Variants in PCDH15 observed in about 807,000 individuals in gnomAD.
PCDH15 encodes protocadherin related 15.
Under a neutral mutation model 178.5 loss-of-function variants are expected in PCDH15, and 129 were observed. The observed-to-expected ratio is 0.72, with a 90% CI of 0.63 to 0.84. The LOEUF is 0.84. Ranked by LOEUF, PCDH15 falls within the 40% of genes least tolerant of loss-of-function variation. The pLI is 0.00. For missense variants in PCDH15, 2,230 were observed against 2,099.9 expected, an observed-to-expected ratio of 1.06 and a Z score of -1.21; for synonymous variants, 800 against 732.0, an observed-to-expected ratio of 1.09 and a Z score of -1.50.
chr10:54,949,704 C>T (rs1733777), intron 2 of PCDH15, among the ~76,000 whole-genome samples: 28,881 of 151,902 alleles, frequency 0.19, 3,180 homozygotes, highest in African/African-American at 0.29. Flanking sequence ...CCCAAGTCAC[C>T]TCTTGAATGC....
intron 26 of PCDH15, among the ~76,000 whole-genome samples, chr10:53,888,318 G>GTATATATATGTATGTACATATATATA (rs1238264864): frequency 1.1e-5 from 1 of 91,824 alleles, no homozygotes; most frequent in Non-Finnish European, 1.9e-5. Context: ...ATGTATATAT[G>GTATATATATGTATGTACATATATATA]TACGTATATA....
chr10:54,337,008 G>T (rs1941302164), intron 6 of PCDH15, among the ~76,000 whole-genome samples: 1 of 152,094 alleles, frequency 6.6e-6, no homozygotes, highest in African/African-American at 2.4e-5. Context: ...TGGTGTCAAA[G>T]AAGATCATTT....
intron 2 of PCDH15, among the ~76,000 whole-genome samples, chr10:54,650,089 G>A (rs7903854): frequency 0.043 from 6,571 of 152,130 alleles, 471 homozygotes; most frequent in African/African-American, 0.15. Flanking sequence ...ATATTATAAA[G>A]GGAAAGATGG....
intron 2 of PCDH15, among the ~76,000 whole-genome samples, chr10:55,364,507 A>G (rs1478374917): frequency 6.6e-6 from 1 of 152,022 alleles, no homozygotes; most frequent in Non-Finnish European, 1.5e-5. Context: ...ATTTATTTAT[A>G]TATCTCTGGT....
At chr10:54,151,376 A>G (rs568715221) in intron 14 of PCDH15, among the ~76,000 whole-genome samples, 3 of 152,220 alleles carry the variant, frequency 2.0e-5, no homozygotes, top group Admixed American at 6.5e-5. Flanking sequence ...TTCTGATTCT[A>G]CAAATTTGTT....
intron 3 of PCDH15, among the ~76,000 whole-genome samples, chr10:54,881,319 C>G (rs1243565877): frequency 1.3e-5 from 2 of 152,058 alleles, no homozygotes; most frequent in Non-Finnish European, 2.9e-5. Context: ...ATGCTTTTGC[C>G]TCTTCTCTGC....
chr10:54,309,882 C>A (rs2060796448), intron 8 of PCDH15, among the ~76,000 whole-genome samples: 1 of 151,910 alleles, frequency 6.6e-6, no homozygotes, highest in Admixed American at 6.6e-5. Flanking sequence ...TTAAAGAATT[C>A]ATAGCGTAGT....
intron 2 of PCDH15, among the ~76,000 whole-genome samples, chr10:55,123,611 G>C (rs1011871750): frequency 1.3e-5 from 2 of 152,100 alleles, no homozygotes; most frequent in Admixed American, 6.6e-5. Context: ...GGGATTCTGA[G>C]AGAATGATTG....
chr10:55,507,369 C>T (rs1159884024), intron 2 of PCDH15, among the ~76,000 whole-genome samples: 6 of 151,434 alleles, frequency 4.0e-5, no homozygotes, highest in African/African-American at 1.5e-4. Flanking sequence ...CACACATACA[C>T]ATACACAAAC....
At chr10:55,482,417 T>C (rs1840201050) in intron 2 of PCDH15, among the ~76,000 whole-genome samples, 1 of 151,874 alleles carries the variant, frequency 6.6e-6, no homozygotes, top group African/African-American at 2.4e-5. Context: ...ATAGTGTCAC[T>C]GATCTCTAAA....
chr10:54,651,747 G>A (rs753090988), intron 2 of PCDH15, among the ~76,000 whole-genome samples: 9 of 152,076 alleles, frequency 5.9e-5, no homozygotes, highest in Non-Finnish European at 1.2e-4. Context: ...ATAGATTTTT[G>A]TTGCATCAGC....
At chr10:54,282,544 T>C (rs2058765512) in intron 8 of PCDH15, among the ~76,000 whole-genome samples, 1 of 152,074 alleles carries the variant, frequency 6.6e-6, no homozygotes, top group Admixed American at 6.6e-5. Flanking sequence ...TATTTAACAG[T>C]ATAATGCTTC....
intron 25 of PCDH15, among the ~76,000 whole-genome samples, chr10:53,929,283 T>C (rs2133961166): frequency 6.6e-6 from 1 of 152,246 alleles, no homozygotes; most frequent in East Asian, 1.9e-4. Context: ...AATTTTATGC[T>C]ATGAGTCCAC....
chr10:54,297,044 T>C (rs896594938), intron 8 of PCDH15, among the ~76,000 whole-genome samples: 1 of 152,146 alleles, frequency 6.6e-6, no homozygotes, highest in African/African-American at 2.4e-5. Flanking sequence ...AGCGCAACTA[T>C]TCCCATCAGC....
At chr10:54,949,193 T>C (rs1047234513) in intron 2 of PCDH15, among the ~76,000 whole-genome samples, 4 of 151,968 alleles carry the variant, frequency 2.6e-5, no homozygotes, top group African/African-American at 9.7e-5. Context: ...TGAGACTGGG[T>C]AATTTATTAA....
intron 18 of PCDH15, among the ~76,000 whole-genome samples, chr10:54,052,465 T>G (rs1185614806): frequency 1.3e-5 from 2 of 152,204 alleles, no homozygotes; most frequent in Non-Finnish European, 2.9e-5. Flanking sequence ...CCTCTTGGAT[T>G]TTGGACTTGC....
At chr10:54,409,008 A>T (rs758291987) in intron 3 of PCDH15, among the ~76,000 whole-genome samples, 4 of 152,154 alleles carry the variant, frequency 2.6e-5, no homozygotes, top group African/African-American at 4.8e-5. Context: ...TAATTGAATC[A>T]TGGGGGCAGT....
upstream of PCDH15, among the ~76,000 whole-genome samples, chr10:54,805,220 AG>A (rs1164861525): frequency 6.6e-6 from 1 of 151,858 alleles, no homozygotes; most frequent in African/African-American, 2.4e-5. Context: ...TGAGTCCTGG[AG>A]TCAATAGGAA....
intron 3 of PCDH15, among the ~76,000 whole-genome samples, chr10:54,411,424 T>C (rs1953497758): frequency 6.6e-6 from 1 of 152,094 alleles, no homozygotes; most frequent in Non-Finnish European, 1.5e-5. Context: ...TTCAGAAAAA[T>C]GTTAATTCCT....
Sources: gnomAD v4.1 joint callset for allele counts (sites outside exome capture counted in the v4.1 genomes callset) on GRCh38, gnomAD v4.1.1 for gene constraint, MANE v1.5 for transcripts, NCBI Gene and HGNC (gene_info 2026-07-23, HGNC 2026-07-21) for gene names.